The following ATP1A4 variants were observed in gnomAD, a reference collection of about 807,000 sequenced individuals.
ATP1A4 encodes sodium/potassium-transporting ATPase subunit alpha-4.
In ATP1A4, 90 loss-of-function variants were observed where a neutral mutation model predicts 114.3. That is an observed-to-expected ratio of 0.79 (90% confidence interval 0.66 to 0.94). The LOEUF is 0.94. ATP1A4 is among the 40% of genes least tolerant of loss of function. The pLI, the probability that ATP1A4 is intolerant of heterozygous loss-of-function variation, is 0.00. For synonymous variants in ATP1A4, 511 were observed against 494.1 expected (o/e 1.03, Z -0.45); for missense variants, 1,222 against 1,313.6 (o/e 0.93, Z 1.08).
rs564642725 is a variant in ATP1A4, at chr1:160,151,966, C to A, written c.-75C>A. 6.5e-7 allele frequency: 1 copy of A among 1,542,758 alleles called. No homozygotes were observed. ...CGTGGCCCCCTTGCCCGCGCGCCCT[C>A]TTCCCTTCCCCTTGCCTCACTCTCT... On this transcript the variant is annotated 5_prime_UTR_variant, in exon 1 of 22. Coordinates refer to ENST00000368081, the MANE Select transcript of ATP1A4 (RefSeq NM_144699.4).
At position 160,155,108 on chromosome 1, in the gene ATP1A4, C is replaced by T. The variant is rs763336663; in HGVS notation, c.271C>T (p.Pro91Ser). 13 of 1,608,494 alleles carry T rather than the reference C, an allele frequency of 8.1e-6. No individual in the cohort carries two copies. Among genetic ancestry groups the T allele is most frequent in the African/African-American group, 2.7e-5 (2 of 74,636 alleles). ...TRGGPNTVTP[P>S]PTTPEWVKFC... ...AGGTGGACCCAATACTGTTACCCCA[C>T]CCCCCACCACTCCAGAATGGGTCAA... The change falls in exon 3 of 22, where the codon CCC (proline) becomes TCC (serine). Residue 91 changes from proline (P) to serine (S), a missense_variant. Transcript: ENST00000368081.
intron 10 of ATP1A4, 56 bp from the exon 11 acceptor site, chr1:160,171,195 C>T (rs749445463): frequency 2.2e-5 from 33 of 1,476,874 alleles, no homozygotes; most frequent in Admixed American, 6.2e-5. Context: ...CTTCTTTTTG[C>T]CCCTGATCCT....
At position 160,182,828 on chromosome 1, in the gene ATP1A4, T is replaced by A. The variant is rs1357094678; in HGVS notation, c.2969+797T>A. ...CTGGGATTACAGGCACCCGCCACCA[T>A]GCCGGGCTAATTTTTTGTATTTTTA... On this transcript the variant is annotated intron_variant, in intron 20 of 21. Coordinates refer to ENST00000368081, the MANE Select transcript of ATP1A4 (RefSeq NM_144699.4). The A allele has an allele frequency of 7.2e-5, 11 of 152,322 alleles. No homozygotes were observed. The East Asian group carries it at 2.1e-3, about 29-fold the overall frequency. 9.4% of individuals were successfully genotyped at this position (152,322 alleles called of 1,614,324 possible).
intron 8 of ATP1A4, 66 bp from the exon 9 acceptor site, chr1:160,166,902 A>G: frequency 6.5e-7 from 1 of 1,548,014 alleles, no homozygotes; most frequent in Non-Finnish European, 8.9e-7. Flanking sequence ...GCCAAAGAGG[A>G]TGTGAATAAC....
Position 160,171,419 on chromosome 1 carries a change from G to C in ATP1A4, c.1660G>C (p.Gly554Arg). Residue 554 changes from glycine (G) to arginine (R), a missense_variant, in exon 11 of 22, where the codon GGT becomes CGT. Transcript: ENST00000368081. ...CCAAAATGCCTACTTAGAACTGGGA[G>C]GTCTGGGGGAACGTGTGCTAGGTGA... is the stretch of plus-strand genomic sequence containing the variant. The part of the protein sequence containing the change: ...AFQNAYLELG[G>R]LGERVLGFCF... 1 of 1,614,094 alleles carries C rather than the reference G, an allele frequency of 6.2e-7. No individual in the cohort carries two copies. Among genetic ancestry groups the C allele is most frequent in the Non-Finnish European group, 8.5e-7 (1 of 1,179,980 alleles).
At position 160,159,112 on chromosome 1, in the gene ATP1A4, G is replaced by T; in HGVS notation, c.636G>T (p.Arg212=). 1 of 1,614,074 alleles carries T rather than the reference G, an allele frequency of 6.2e-7. No homozygotes were observed. The highest frequency in any genetic ancestry group is 1.7e-5 in the Admixed American group (1 of 60,028). ...GAGACCGAGTCCCTGCTGACCTCCG[G>T]CTTATCTCTGCACAAGGATGTAAGG... The part of the protein sequence containing the change: ...KGGDRVPADL[R]LISAQGCKVD... The change falls in exon 5 of 22, where the codon CGG becomes CGT. Residue 212 remains arginine (R), a synonymous_variant. Coordinates refer to ENST00000368081, the MANE Select transcript of ATP1A4 (RefSeq NM_144699.4).
At chr1:160,165,795 T>C (rs181698900) in intron 7 of ATP1A4, among the ~76,000 whole-genome samples, 263 of 152,314 alleles carry the variant, frequency 1.7e-3, no homozygotes, top group Middle Eastern at 3.4e-3. Flanking sequence ...TAGCATCTTA[T>C]ACCACCATAA....
At chr1:160,176,892 AG>A (rs1653484897) in intron 17 of ATP1A4, among the ~76,000 whole-genome samples, 1 of 152,200 alleles carries the variant, frequency 6.6e-6, no homozygotes, top group Non-Finnish European at 1.5e-5. Context: ...GAGGATAGCC[AG>A]AGAGGCCTTA....
intron 18 of ATP1A4, among the ~76,000 whole-genome samples, chr1:160,180,693 CCT>C (rs1653653069): frequency 1.5e-5 from 2 of 131,416 alleles, no homozygotes; most frequent in Non-Finnish European, 3.1e-5. Flanking sequence ...TGCCTTCTTC[CCT>C]TTTTTTTTTT....
Position 160,153,159 on chromosome 1 carries a change from C to A in ATP1A4, c.148-6C>A. On this transcript the variant is annotated splice_polypyrimidine_tract_variant and splice_region_variant and intron_variant, in intron 1 of 21. Transcript: ENST00000368081. Reference sequence around the variant, plus strand: ...CTGTCCCTCAATGCCTCTACTGTCCCCTCAGGATGATCACAAATTAACCTT... The same window carrying A: ...CTGTCCCTCAATGCCTCTACTGTCCACTCAGGATGATCACAAATTAACCTT... The A allele has an allele frequency of 6.2e-7, 1 of 1,613,840 alleles. No individual in the cohort carries two copies. The highest frequency in any genetic ancestry group is 8.5e-7 in the Non-Finnish European group (1 of 1,179,788).
At position 160,186,790 on chromosome 1, in the gene ATP1A4, C is replaced by A; in HGVS notation, c.*91C>A. 1 of 1,344,194 alleles carries A rather than the reference C, an allele frequency of 7.4e-7. No homozygotes were observed. Among genetic ancestry groups the A allele is most frequent in the Non-Finnish European group, 1.0e-6 (1 of 955,916 alleles). The allele number at this position is 1,344,194 out of a possible 1,614,324, so 83.3% of individuals were successfully genotyped here. ...TATAAGTTTGACACAACATCTGAGA[C>A]ACTAGGATGAATTATCTTGGATGAG... On this transcript the variant is annotated 3_prime_UTR_variant, in exon 22 of 22. Transcript: ENST00000368081.
At position 160,171,771 on chromosome 1, in the gene ATP1A4, C is replaced by T. The variant is rs772026633; in HGVS notation, c.1854+14C>T. ...GCAGGAATTAAGGTAAATACTTGCCCAGACCAGGAGCCCCTCACCTGTCAC... is the reference window on the plus strand; with the variant it reads ...GCAGGAATTAAGGTAAATACTTGCCTAGACCAGGAGCCCCTCACCTGTCAC... On this transcript the variant is annotated intron_variant, in intron 12 of 21. Transcript: ENST00000368081. The T allele has an allele frequency of 6.2e-7, 1 of 1,611,964 alleles. No homozygotes were observed. The highest frequency in any genetic ancestry group is 1.1e-5 in the South Asian group (1 of 90,762).
chr1:160,174,446 G>C (rs1271242714), intron 14 of ATP1A4, 133 bp from the exon 15 acceptor site: 1 of 1,444,564 alleles, frequency 6.9e-7, no homozygotes, highest in Admixed American at 2.4e-5. Flanking sequence ...GGAGGAGTGG[G>C]AGAAGGACGG....
At chr1:160,177,056 T>C (rs899416074) in intron 17 of ATP1A4, among the ~76,000 whole-genome samples, 1 of 152,172 alleles carries the variant, frequency 6.6e-6, no homozygotes, top group Non-Finnish European at 1.5e-5. Flanking sequence ...TTAGTCTTTA[T>C]AAAGTAGTGA....
rs1653342567 is a variant in ATP1A4 at position 160,173,575 on chromosome 1, A to G, written c.1855-6A>G. ...CTGCTCCTCTTCCCTCTCCTTCCCA[A>G]CCCAGGTGATCATGGTAACAGGAGA... On this transcript the variant is annotated splice_polypyrimidine_tract_variant and splice_region_variant and intron_variant, in intron 12 of 21. Transcript: ENST00000368081. The G allele has an allele frequency of 6.2e-7, 1 of 1,613,196 alleles. No homozygotes were observed. Among genetic ancestry groups the G allele is most frequent in the Non-Finnish European group, 8.5e-7 (1 of 1,179,172 alleles).
Position 160,173,686 on chromosome 1 carries a change from C to T in ATP1A4, c.1960C>T (p.Leu654Phe). The change falls in exon 13 of 22, where the codon CTT (leucine) becomes TTT (phenylalanine). Residue 654 changes from leucine to phenylalanine, a missense_variant. Coordinates refer to ENST00000368081, the MANE Select transcript of ATP1A4 (RefSeq NM_144699.4). ...GACGGCAGAGGAAGTCGCTGCCCGG[C>T]TTAAGATCCCTATCAGCAAGGTCGA... ...TETAEEVAAR[L>F]KIPISKVDAS... The T allele has an allele frequency of 4.3e-6, 7 of 1,614,130 alleles. No individual in the cohort carries two copies. The highest frequency in any genetic ancestry group is 5.9e-6 in the Non-Finnish European group (7 of 1,180,010).
intron 6 of ATP1A4, among the ~76,000 whole-genome samples, chr1:160,161,190 C>T (rs1017183102): frequency 2.0e-5 from 3 of 152,224 alleles, no homozygotes; most frequent in Non-Finnish European, 2.9e-5. Context: ...AGACCGATAG[C>T]ATTTACCCTA....
At chr1:160,159,179 C>T (rs766161274) in intron 5 of ATP1A4, 43 bp downstream of exon 5, 1 of 1,597,712 alleles carries the variant, frequency 6.3e-7, no homozygotes, top group South Asian at 1.1e-5. Context: ...CAAGCGTGAT[C>T]TCATGGCAGG....
Position 160,166,709 on chromosome 1 carries a change from C to T in ATP1A4, c.1229C>T (p.Thr410Ile), listed in dbSNP as rs778858214. Residue 410 changes from threonine (T) to isoleucine (I), a missense_variant, in exon 8 of 22, where the codon ACC (threonine) becomes ATC (isoleucine). Physicochemically the swap from Thr to Ile is moderately conservative, Grantham distance 89. Coordinates refer to ENST00000368081, the MANE Select transcript of ATP1A4 (RefSeq NM_144699.4). ...WFDMTVYEAD[T>I]TEEQTGKTFT... ...GATATGACCGTGTATGAGGCCGACA[C>T]CACTGAAGAACAGACTGGTGACTAG... 8 of 1,614,126 alleles carry T rather than the reference C, an allele frequency of 5.0e-6. No individual in the cohort carries two copies. Among genetic ancestry groups the T allele is most frequent in the East Asian group, 2.2e-5 (1 of 44,876 alleles).
Sources: gnomAD v4.1 joint callset for allele counts (sites outside exome capture counted in the v4.1 genomes callset) on GRCh38, gnomAD v4.1.1 for gene constraint, MANE v1.5 for transcripts, NCBI Gene and HGNC (gene_info 2026-07-23, HGNC 2026-07-21) for gene names.